The following SLC4A7 variants were observed in gnomAD, a reference collection of about 807,000 sequenced individuals.
SLC4A7 encodes the protein solute carrier family 4 member 7, also known as sodium bicarbonate cotransporter 3.
A neutral mutation model predicts 137.6 loss-of-function variants in SLC4A7; 51 were observed. The observed-to-expected ratio is 0.37, with a 90% confidence interval of 0.30 to 0.47. SLC4A7 has a LOEUF of 0.47. SLC4A7 is among the 20% of genes least tolerant of loss of function. The pLI, the probability that SLC4A7 is intolerant of heterozygous loss-of-function variation, is 1.00. For synonymous variants in SLC4A7, 542 were observed against 518.6 expected (o/e 1.05, Z -0.61); for missense variants, 1,247 against 1,525.4 (o/e 0.82, Z 3.04).
At chr3:27,461,208 GCACA>G (rs57056562) in intron 1 of SLC4A7, among the ~76,000 whole-genome samples, 50,875 of 149,868 alleles carry the variant, frequency 0.34, 8,635 homozygotes, top group Non-Finnish European at 0.38. Flanking sequence ...CATCCAATTA[GCACA>G]CACACACACA....
intron 14 of SLC4A7, among the ~76,000 whole-genome samples, chr3:27,404,321 C>G (rs13078172): frequency 6.6e-6 from 1 of 152,068 alleles, no homozygotes; most frequent in Non-Finnish European, 1.5e-5. Flanking sequence ...GAGCCAAGAT[C>G]GCACCACTGC....
chr3:27,437,351 CA>C (rs538588474), intron 4 of SLC4A7, 36 bp downstream of exon 4: 93,265 of 996,144 alleles, frequency 0.094, 2 homozygotes, highest in South Asian at 0.13. Context: ...AACTCCATCT[CA>C]AAAAAAAAAA....
At chr3:27,405,044 T>C in intron 13 of SLC4A7, 81 bp from the exon 14 acceptor site, 1 of 959,396 alleles carries the variant, frequency 1.0e-6, no homozygotes, top group Non-Finnish European at 1.4e-6. Context: ...GTAAGACATC[T>C]GGAAAATAAA....
intron 6 of SLC4A7, among the ~76,000 whole-genome samples, chr3:27,432,911 G>C (rs951217142): frequency 6.6e-6 from 1 of 152,054 alleles, no homozygotes; most frequent in East Asian, 1.9e-4. Flanking sequence ...CTATACATTG[G>C]CTTGTTTTTA....
intron 1 of SLC4A7, among the ~76,000 whole-genome samples, chr3:27,457,650 T>C (rs181483150): frequency 4.5e-4 from 69 of 152,298 alleles, no homozygotes; most frequent in African/African-American, 1.5e-3. Flanking sequence ...ATTTGTCTAC[T>C]ATGCACTTTG....
chr3:27,423,929 G>A, intron 8 of SLC4A7, 108 bp downstream of exon 8: 1 of 655,030 alleles, frequency 1.5e-6, no homozygotes, highest in Non-Finnish European at 2.6e-6. Context: ...GTAAGCACCA[G>A]TCTACTAAAA....
At chr3:27,421,857 CT>C in intron 8 of SLC4A7, 78 bp from the exon 9 acceptor site, 1 of 992,586 alleles carries the variant, frequency 1.0e-6, no homozygotes, top group Non-Finnish European at 1.5e-6. Flanking sequence ...AGAAAAACTG[CT>C]TTATAAGACT....
chr3:27,437,820 C>T (rs190371541), intron 3 of SLC4A7, among the ~76,000 whole-genome samples: 30 of 152,076 alleles, frequency 2.0e-4, no homozygotes, highest in Non-Finnish European at 3.8e-4. Flanking sequence ...ATAAAAGTAA[C>T]ATTCCAAAAC....
At chr3:27,458,173 T>G (rs1004692980) in intron 1 of SLC4A7, among the ~76,000 whole-genome samples, 1 of 152,174 alleles carries the variant, frequency 6.6e-6, no homozygotes, top group Non-Finnish European at 1.5e-5. Flanking sequence ...AGGCAAAAAT[T>G]TAATAAGATA....
chr3:27,474,322 A>G (rs1283206277), intron 1 of SLC4A7, among the ~76,000 whole-genome samples: 1 of 152,242 alleles, frequency 6.6e-6, no homozygotes, highest in African/African-American at 2.4e-5. Flanking sequence ...AAGAAATTCA[A>G]TGATAAAACA....
chr3:27,422,459 G>C (rs183341273), intron 8 of SLC4A7, among the ~76,000 whole-genome samples: 3 of 152,026 alleles, frequency 2.0e-5, no homozygotes, highest in African/African-American at 7.2e-5. Flanking sequence ...TTGTAGAGGT[G>C]GGGGGCTTGC....
chr3:27,479,331 G>A (rs961515061), intron 1 of SLC4A7, among the ~76,000 whole-genome samples: 9 of 151,926 alleles, frequency 5.9e-5, no homozygotes, highest in South Asian at 2.1e-4. Context: ...GGAGGATCAC[G>A]TGAGCCCAGG....
chr3:27,391,664 A>G (rs2051568810), intron 21 of SLC4A7, 76 bp downstream of exon 21: 3 of 832,848 alleles, frequency 3.6e-6, no homozygotes, highest in Middle Eastern at 3.2e-4. Context: ...ATAAATCACT[A>G]CCATCATTAA....
In SLC4A7 at chr3:27,469,505, T is replaced by C. The variant is rs761717524; in HGVS notation, c.60+14562A>G. Among the ~76,000 whole-genome samples the C allele has an allele frequency of 3.2e-4, 48 of 152,290 alleles. No homozygotes were observed. In the Middle Eastern group the frequency reaches 0.01, roughly 32 times the overall value. ...CACAGAACTCACAGACACACTTACT[T>C]ATGTTTACTGATTTATAAAGGATAT... On this transcript the variant is annotated intron_variant, in intron 1 of 25. Coordinates refer to ENST00000454389, the MANE Select transcript of SLC4A7 (RefSeq NM_001321103.2).
At position 27,456,803 on chromosome 3, in the gene SLC4A7, A is replaced by AG. The variant is rs1355609391; in HGVS notation, c.61-4306dup. 4.7e-6 allele frequency: 7 copies of AG among 1,476,086 alleles called. No homozygotes were observed. The African/African-American group carries it at 9.9e-5, about 21-fold the overall frequency. The allele number at this position is 1,476,086 out of a possible 1,614,324, so 91.4% of individuals were successfully genotyped here. ...TGCTTTGCAGAGATGAATTCTTCTA[A>AG]GTTACTTTTATGGTACAGCCAATCA... On this transcript the variant is annotated intron_variant, in intron 1 of 25. Coordinates refer to ENST00000454389, the MANE Select transcript of SLC4A7 (RefSeq NM_001321103.2).
chr3:27,376,711 C>A lies in SLC4A7; in HGVS notation c.*53G>T, dbSNP rs1167112563. On this transcript the variant is annotated 3_prime_UTR_variant, in exon 26 of 26. Coordinates refer to ENST00000454389, the MANE Select transcript of SLC4A7 (RefSeq NM_001321103.2). ...TATTCTTATATATAGTGACATGATA[C>A]GCACACATTACATATGTATATATCT... 5.8e-6 allele frequency: 6 copies of A among 1,036,110 alleles called. No homozygotes were observed. The highest frequency in any genetic ancestry group is 7.5e-6 in the Non-Finnish European group (5 of 666,864). The allele number at this position is 1,036,110 out of a possible 1,614,324, so 64.2% of individuals were successfully genotyped here.
intron 7 of SLC4A7, 72 bp from the exon 8 acceptor site, chr3:27,424,224 G>A (rs1559729366): frequency 4.1e-6 from 3 of 725,720 alleles, no homozygotes; most frequent in Non-Finnish European, 7.0e-6. Flanking sequence ...CTCACATTCT[G>A]AAAGTGATGA....
In SLC4A7 at chr3:27,436,408, C is replaced by T; in HGVS notation, c.569G>A (p.Ser190Asn). Residue 190 changes from serine to asparagine, a missense_variant, in exon 5 of 26, where the codon AGC becomes AAC. Physicochemically the swap from Ser to Asn is conservative, Grantham distance 46. Transcript: ENST00000454389. ...NGTVMLDMRA[S>N]TLDEIADMVL... Reference sequence around the variant, plus strand: ...ATAACCTGCTATTTCATCTAGAGTGCTTGCTCTCATATCCAGCATGACTGT... The same window carrying T: ...ATAACCTGCTATTTCATCTAGAGTGTTTGCTCTCATATCCAGCATGACTGT... 2 of 1,612,698 alleles carry T rather than the reference C, an allele frequency of 1.2e-6. No individual in the cohort carries two copies. The highest frequency in any genetic ancestry group is 2.2e-5 in the East Asian group (1 of 44,822).
intron 7 of SLC4A7, among the ~76,000 whole-genome samples, chr3:27,426,970 C>A (rs1021437766): frequency 3.3e-5 from 5 of 152,142 alleles, no homozygotes; most frequent in Admixed American, 2.6e-4. Context: ...ATAAGGAAAT[C>A]AAAGATATCA....
Sources: gnomAD v4.1 joint callset for allele counts (sites outside exome capture counted in the v4.1 genomes callset) on GRCh38, gnomAD v4.1.1 for gene constraint, MANE v1.5 for transcripts, NCBI Gene and HGNC (gene_info 2026-07-23, HGNC 2026-07-21) for gene names.